Variants in TULP4 observed in about 807,000 individuals in gnomAD.
TULP4 encodes the protein TUB like protein 4.
In TULP4, 16 loss-of-function variants were observed where a neutral mutation model predicts 129.0. That is an observed-to-expected ratio of 0.12 (90% CI 0.08 to 0.19). TULP4 has a LOEUF of 0.19. Among genes scored for constraint, TULP4 ranks in the 10% least tolerant of loss-of-function variants. The probability of loss-of-function intolerance (pLI) is 1.00; values close to 1 mark genes in which losing one functional copy is unlikely to be tolerated. For synonymous variants in TULP4, 998 were observed against 854.0 expected (o/e 1.17, Z -2.94); for missense variants, 1,842 against 2,059.1 (o/e 0.89, Z 2.04).
intron 1 of TULP4, among the ~76,000 whole-genome samples, chr6:158,241,006 C>T (rs1485595266): frequency 2.2e-5 from 3 of 137,940 alleles, no homozygotes; most frequent in African/African-American, 7.6e-5. Context: ...GGTTGCCAGG[C>T]AGAGGGTCTC....
chr6:158,347,812 C>A (rs1388944511), intron 1 of TULP4, among the ~76,000 whole-genome samples: 2 of 152,110 alleles, frequency 1.3e-5, no homozygotes, highest in Non-Finnish European at 2.9e-5. Context: ...CCTTCTCCAC[C>A]TTTTTTATCA....
chr6:158,395,470 A>G (rs1375117455), intron 1 of TULP4, among the ~76,000 whole-genome samples: 3 of 151,518 alleles, frequency 2.0e-5, no homozygotes, highest in East Asian at 3.9e-4. Context: ...AATCCCAGCT[A>G]CTCAGGAGGC....
intron 1 of TULP4, among the ~76,000 whole-genome samples, chr6:158,407,519 A>G (rs1777997446): frequency 1.3e-5 from 2 of 152,170 alleles, no homozygotes; most frequent in Admixed American, 6.6e-5. Context: ...GTATAGACCC[A>G]AGAAAAATGA....
chr6:158,492,063 T>C (rs1207241979), intron 9 of TULP4, among the ~76,000 whole-genome samples: 1 of 152,090 alleles, frequency 6.6e-6, no homozygotes, highest in African/African-American at 2.4e-5. Flanking sequence ...TTTCACCATA[T>C]TGGCCAGGAT....
intron 6 of TULP4, among the ~76,000 whole-genome samples, chr6:158,464,194 A>T (rs1264562737): frequency 6.6e-6 from 1 of 152,202 alleles, no homozygotes. Flanking sequence ...GATGTGCCTT[A>T]GGTAGTCAGG....
chr6:158,439,289 C>A (rs1017936123), intron 3 of TULP4, among the ~76,000 whole-genome samples: 1 of 152,112 alleles, frequency 6.6e-6, no homozygotes, highest in Non-Finnish European at 1.5e-5. Flanking sequence ...AGTCACAATT[C>A]ATTATTTGCA....
intron 7 of TULP4, among the ~76,000 whole-genome samples, chr6:158,480,822 T>C (rs1268760911): frequency 6.6e-6 from 1 of 152,216 alleles, no homozygotes; most frequent in East Asian, 1.9e-4. Context: ...CATTGTCTGA[T>C]GTGGGATCCT....
rs139133268 is a variant in TULP4, at chr6:158,471,773, G to A, written c.1027-7978G>A. On this transcript the variant is annotated intron_variant, in intron 6 of 13. Coordinates refer to ENST00000367097, the MANE Select transcript of TULP4 (RefSeq NM_020245.5). Reference sequence around the variant, plus strand: ...CCACTGCCAGTTCATTGCCTAGAACGTAGTAGGTACTTAGTAAATCTTTCT... The same window carrying A: ...CCACTGCCAGTTCATTGCCTAGAACATAGTAGGTACTTAGTAAATCTTTCT... 2.0e-5 allele frequency among the ~76,000 whole-genome samples: 3 copies of A among 152,184 alleles called. No homozygotes were observed. In the East Asian group the frequency reaches 5.8e-4, roughly 29 times the overall value.
intron 1 of TULP4, among the ~76,000 whole-genome samples, chr6:158,299,383 A>G (rs1282659461): frequency 1.3e-5 from 2 of 152,058 alleles, no homozygotes; most frequent in Non-Finnish European, 2.9e-5. Context: ...AATCTTCCCA[A>G]ATTAAAGTTT....
At chr6:158,412,370 C>T (rs1778115799) in intron 1 of TULP4, among the ~76,000 whole-genome samples, 1 of 152,174 alleles carries the variant, frequency 6.6e-6, no homozygotes, top group Admixed American at 6.5e-5. Context: ...TGAGGCTTCC[C>T]TCAGACTCCT....
At chr6:158,465,172 A>G (rs1779526820) in intron 6 of TULP4, among the ~76,000 whole-genome samples, 1 of 152,204 alleles carries the variant, frequency 6.6e-6, no homozygotes, top group Admixed American at 6.5e-5. Flanking sequence ...CTAGTTTTCT[A>G]GACTCCTTTG....
intron 3 of TULP4, among the ~76,000 whole-genome samples, chr6:158,438,917 A>G (rs951682035): frequency 2.0e-5 from 3 of 152,104 alleles, no homozygotes; most frequent in African/African-American, 7.2e-5. Context: ...CATGCCTGTA[A>G]TCCCAGCACT....
chr6:158,267,431 T>TA (rs1431938049), intron 1 of TULP4, among the ~76,000 whole-genome samples: 2 of 152,226 alleles, frequency 1.3e-5, no homozygotes, highest in Non-Finnish European at 2.9e-5. Flanking sequence ...TGTGGGTTCA[T>TA]ACAGAGTAAC....
intron 1 of TULP4, among the ~76,000 whole-genome samples, chr6:158,330,792 C>T (rs769577083): frequency 2.0e-5 from 3 of 152,198 alleles, no homozygotes; most frequent in Non-Finnish European, 4.4e-5. Context: ...CTTTAGACCC[C>T]TGTAATCTGG....
chr6:158,504,089 G>A lies in TULP4; in HGVS notation c.4426G>A (p.Glu1476Lys), dbSNP rs1474225838. 1.9e-6 allele frequency: 3 copies of A among 1,608,380 alleles called. No homozygotes were observed. The highest frequency in any genetic ancestry group is 1.3e-5 in the African/African-American group (1 of 74,890). ...VMANKQPLWN[E>K]ATQVYQLDFG... ...GGCCAACAAGCAGCCGCTGTGGAAC[G>A]AGGCCACCCAGGTCTACCAGCTGGA... is the stretch of plus-strand genomic sequence containing the variant. Residue 1476 changes from glutamate to lysine, a missense_variant, in exon 13 of 14, where the codon GAG (glutamate) becomes AAG (lysine). Physicochemically the swap from Glu to Lys is moderately conservative, Grantham distance 56. This residue lies in a region of TULP4 where 47 missense variants were observed against 104.0 expected (regional missense o/e 0.45). Transcript: ENST00000367097.
At chr6:158,399,252 T>C (rs1777790752) in intron 1 of TULP4, among the ~76,000 whole-genome samples, 1 of 152,218 alleles carries the variant, frequency 6.6e-6, no homozygotes, top group African/African-American at 2.4e-5. Flanking sequence ...TTCATCTCAC[T>C]TGTTTTTACA....
At chr6:158,365,976 C>T (rs1380899349) in intron 1 of TULP4, among the ~76,000 whole-genome samples, 3 of 140,102 alleles carry the variant, frequency 2.1e-5, no homozygotes, top group Non-Finnish European at 3.0e-5. Flanking sequence ...CATCTCGGCT[C>T]ACTGCAAGCT....
At chr6:158,349,040 C>T (rs1241229233) in intron 1 of TULP4, among the ~76,000 whole-genome samples, 25 of 60,404 alleles carry the variant, frequency 4.1e-4, no homozygotes, top group Non-Finnish European at 7.4e-4. Flanking sequence ...CGGGCAGAGG[C>T]GCTCCTCACT....
Position 158,334,597 on chromosome 6 carries a change from A to AT in TULP4, c.252+20329_252+20330insT, listed in dbSNP as rs1779989510. ...AACTGTGTGGGGGTTGGCACCCCTA[A>AT]CCCCCGCATTGTTCAGGGGTTAGCT... On this transcript the variant is annotated intron_variant, in intron 1 of 13. Coordinates refer to ENST00000367097, the MANE Select transcript of TULP4 (RefSeq NM_020245.5). Among the ~76,000 whole-genome samples the AT allele has an allele frequency of 2.7e-4, 10 of 37,020 alleles. No individual in the cohort carries two copies. The Admixed American group carries it at 3.9e-3, about 14-fold the overall frequency. 24.3% of individuals were successfully genotyped at this position (37,020 alleles called of 152,430 possible).
Sources: gnomAD v4.1 joint callset for allele counts (sites outside exome capture counted in the v4.1 genomes callset) on GRCh38, gnomAD v4.1.1 for gene constraint, gnomAD v4.1.1 regional missense constraint, MANE v1.5 for transcripts, NCBI Gene and HGNC (gene_info 2026-07-23, HGNC 2026-07-21) for gene names.